KYAT1: variants seen among roughly 807,000 people sequenced by gnomAD.
KYAT1 encodes the protein kynurenine--oxoglutarate transaminase 1.
Under a neutral mutation model 52.4 loss-of-function variants are expected in KYAT1, and 47 were observed. The observed-to-expected ratio is 0.90, with a 90% CI of 0.71 to 1.14. The LOEUF is 1.14. Among genes scored for constraint, KYAT1 ranks in the 50% most tolerant of loss-of-function variants. The pLI, the probability that KYAT1 is intolerant of heterozygous loss-of-function variation, is 0.00. For missense variants in KYAT1, 480 were observed against 557.9 expected (o/e 0.86, Z 1.41); for synonymous variants, 212 against 209.6 (o/e 1.01, Z -0.10).
intron 1 of KYAT1, among the ~76,000 whole-genome samples, chr9:128,880,949 A>G (rs1838772375): frequency 6.6e-6 from 1 of 152,192 alleles, no homozygotes; most frequent in South Asian, 2.1e-4. Flanking sequence ...CAGGTACCCA[A>G]GACCCCAATT....
Position 128,840,935 on chromosome 9 carries a change from A to G in KYAT1, c.201+1719T>C, listed in dbSNP as rs114378958. On this transcript the variant is annotated intron_variant, in intron 3 of 12. Coordinates refer to ENST00000302586, the MANE Select transcript of KYAT1 (RefSeq NM_004059.5). The stretch of plus-strand genomic sequence containing the variant: ...CCAGGAATTTATCTTAGAGAAATAC[A>G]TATGTATACAAAGATGTCCACACAG... 2.5e-3 allele frequency among the ~76,000 whole-genome samples: 387 copies of G among 152,370 alleles called. 5 individuals carry two copies. Among genetic ancestry groups the G allele is most frequent in the African/African-American group, 8.4e-3 (349 of 41,580 alleles).
chr9:128,881,614 G>C (rs1838921305), intron 1 of KYAT1, among the ~76,000 whole-genome samples: 1 of 152,080 alleles, frequency 6.6e-6, no homozygotes, highest in Non-Finnish European at 1.5e-5. Flanking sequence ...CCCCAGATCT[G>C]TCCAGAATTC....
chr9:128,834,806 T>G (rs752073068), intron 11 of KYAT1, among the ~76,000 whole-genome samples: 24 of 121,508 alleles, frequency 2.0e-4, no homozygotes, highest in South Asian at 7.7e-4. Context: ...CACTCCCACC[T>G]AGGCGACAGA....
At chr9:128,861,984 A>G (rs966139428) in intron 1 of KYAT1, among the ~76,000 whole-genome samples, 3 of 152,058 alleles carry the variant, frequency 2.0e-5, no homozygotes, top group Admixed American at 2.0e-4. Context: ...GCTGGATTTC[A>G]CCCTACCGGG....
chr9:128,865,800 G>A (rs535925922), intron 1 of KYAT1, among the ~76,000 whole-genome samples: 2 of 152,230 alleles, frequency 1.3e-5, no homozygotes, highest in African/African-American at 2.4e-5. Context: ...CTGATAACCA[G>A]GGATGGGGAA....
At chr9:128,852,612 C>A (rs1328509425) in intron 1 of KYAT1, among the ~76,000 whole-genome samples, 1 of 152,084 alleles carries the variant, frequency 6.6e-6, no homozygotes, top group Non-Finnish European at 1.5e-5. Context: ...GCAGGACTGA[C>A]AATAGCATCT....
Position 128,833,839 on chromosome 9 carries a change from A to G in KYAT1, c.1123-13T>C. 6.2e-7 allele frequency: 1 copy of G among 1,611,684 alleles called. No individual in the cohort carries two copies. The highest frequency in any genetic ancestry group is 1.1e-5 in the South Asian group (1 of 91,028). On this transcript the variant is annotated splice_polypyrimidine_tract_variant and intron_variant, in intron 11 of 12. Coordinates refer to ENST00000302586, the MANE Select transcript of KYAT1 (RefSeq NM_004059.5). ...TGGCCACCAAGCCCTGGGGAGGAGG[A>G]AGGACATGTCTCAACACGGCCTCGT...
intron 1 of KYAT1, among the ~76,000 whole-genome samples, chr9:128,868,703 ATT>A (rs1202846765): frequency 1.4e-3 from 181 of 131,946 alleles, no homozygotes; most frequent in African/African-American, 3.8e-3. Flanking sequence ...TGCCTGGCTA[ATT>A]TTTTTTTTTT....
At position 128,834,633 on chromosome 9, in the gene KYAT1, G is replaced by A. The variant is rs201860160; in HGVS notation, c.1122+690C>T. Reference sequence around the variant, plus strand: ...GAGGTCAGGAGTTGGAGACTAGCCTGACCAACATGGTGAAACCCCGTCTCT... The same window carrying A: ...GAGGTCAGGAGTTGGAGACTAGCCTAACCAACATGGTGAAACCCCGTCTCT... On this transcript the variant is annotated intron_variant, in intron 11 of 12. Transcript: ENST00000302586. Among the ~76,000 whole-genome samples the A allele has an allele frequency of 2.0e-5, 3 of 151,228 alleles. No individual in the cohort carries two copies. The East Asian group carries it at 5.9e-4, about 30-fold the overall frequency.
At position 128,838,228 on chromosome 9, in the gene KYAT1, T is replaced by TC. The variant is rs1334777898; in HGVS notation, c.340dup (p.Glu114GlyfsTer13). On this transcript the variant is annotated frameshift_variant, in exon 4 of 13. Coordinates refer to ENST00000302586, the MANE Select transcript of KYAT1 (RefSeq NM_004059.5). LOFTEE classifies it high-confidence loss of function. The stretch of plus-strand genomic sequence containing the variant: ...GTCTTGCCCACTCACCTCGTCTCCT[T>TC]CGTCCACCAGGGCCTGGAAGGCTGT... 17 of 1,614,062 alleles carry TC rather than the reference T, an allele frequency of 1.1e-5. No individual in the cohort carries two copies.
At chr9:128,837,943 G>T in intron 5 of KYAT1, 108 bp downstream of exon 5, 1 of 1,491,758 alleles carries the variant, frequency 6.7e-7, no homozygotes, top group South Asian at 1.1e-5. Context: ...TCCCAGCTTA[G>T]AGGAACTGGC....
chr9:128,845,447 CTG>C (rs1375344563), intron 1 of KYAT1, 36 bp from the exon 2 acceptor site: 10 of 1,607,020 alleles, frequency 6.2e-6, no homozygotes, highest in Non-Finnish European at 7.7e-6. Flanking sequence ...GAGATGGAAT[CTG>C]TCTGGGTGCA....
At chr9:128,870,499 T>C (rs1837081607) in intron 1 of KYAT1, among the ~76,000 whole-genome samples, 1 of 152,106 alleles carries the variant, frequency 6.6e-6, no homozygotes, top group Non-Finnish European at 1.5e-5. Context: ...CAGCCAGGCA[T>C]GGTGGTGTGT....
At chr9:128,846,974 T>C in intron 1 of KYAT1, 2 of 999,630 alleles carry the variant, frequency 2.0e-6, no homozygotes. Context: ...ATGAGGACAC[T>C]GAGGCTTGAA....
rs552829013 is a variant in KYAT1, at chr9:128,847,612, G to A, written c.-6-2201C>T. 144 of 829,354 alleles carry A rather than the reference G, an allele frequency of 1.7e-4. No homozygotes were observed. In the South Asian group the frequency reaches 1.8e-3, roughly 10 times the overall value. 51.4% of individuals were successfully genotyped at this position (829,354 alleles called of 1,614,324 possible). A position where few individuals can be genotyped will look rare whatever the true frequency, so the allele number is the denominator to read the frequency against. On this transcript the variant is annotated intron_variant, in intron 1 of 12. Transcript: ENST00000302586. Reference sequence around the variant, plus strand: ...ACAGCCCTGGCCAGAAAATGCCTCCGAGCTCAGGACTTGGGTCCCCCACAC... The same window carrying A: ...ACAGCCCTGGCCAGAAAATGCCTCCAAGCTCAGGACTTGGGTCCCCCACAC...
In KYAT1 at chr9:128,875,257, T is replaced by G. The variant is rs200357738; in HGVS notation, c.-7+6640A>C. On this transcript the variant is annotated intron_variant, in intron 1 of 12. Transcript: ENST00000302586. ...CAATTTGTTTTTTTTTGTTTTTTTT[T>G]TTTTTTTGGTTTTTGTTTTTGAGAT... Among the ~76,000 whole-genome samples the G allele has an allele frequency of 5.1e-3, 770 of 150,606 alleles. 10 individuals are homozygous for G. Among genetic ancestry groups the G allele is most frequent in the African/African-American group, 0.017 (713 of 40,856 alleles).
chr9:128,855,833 T>C (rs764212183), intron 1 of KYAT1, among the ~76,000 whole-genome samples: 1 of 152,356 alleles, frequency 6.6e-6, no homozygotes, highest in South Asian at 2.1e-4. Flanking sequence ...TGGGTCTTAT[T>C]GCAGTCACAG....
chr9:128,833,566 C>T lies in KYAT1; in HGVS notation c.*18G>A. ...TGCGGGCATGTGGGGATGTCAGGGC[C>T]AAGGCGTGACTTCAGGGCTAGAGTT... On this transcript the variant is annotated 3_prime_UTR_variant, in exon 13 of 13. Coordinates refer to ENST00000302586, the MANE Select transcript of KYAT1 (RefSeq NM_004059.5). 2 of 1,613,116 alleles carry T rather than the reference C, an allele frequency of 1.2e-6. No homozygotes were observed. The highest frequency in any genetic ancestry group is 2.2e-5 in the South Asian group (2 of 91,062).
intron 1 of KYAT1, among the ~76,000 whole-genome samples, chr9:128,871,323 A>AAAACT (rs987220936): frequency 3.3e-5 from 5 of 152,150 alleles, no homozygotes; most frequent in African/African-American, 9.6e-5. Context: ...GTCTTAAAAC[A>AAAACT]AAACAAAACA....
Sources: allele counts gnomAD v4.1 joint callset (sites outside exome capture counted in the v4.1 genomes callset), GRCh38; gene constraint gnomAD v4.1.1; transcripts MANE v1.5; gene names NCBI Gene and HGNC (gene_info 2026-07-23, HGNC 2026-07-21).